CD109: variants seen among roughly 807,000 people sequenced by gnomAD.
CD109 encodes the protein CD109 molecule.
CD109 carries 149 observed loss-of-function variants against 165.8 expected under a neutral mutation model. The observed-to-expected ratio is 0.90, with a 90% CI of 0.79 to 1.03. The LOEUF (loss-of-function observed/expected upper bound fraction) is 1.03. Among genes scored for constraint, CD109 ranks in the 50% least tolerant of loss-of-function variants. The probability of loss-of-function intolerance (pLI) is 0.00; values close to 1 mark genes in which losing one functional copy is unlikely to be tolerated. For missense variants in CD109, 1,712 were observed against 1,677.8 expected, an observed-to-expected ratio of 1.02 and a Z score of -0.36; for synonymous variants, 585 against 592.1, an observed-to-expected ratio of 0.99 and a Z score of 0.18.
intron 2 of CD109, among the ~76,000 whole-genome samples, chr6:73,717,270 G>T (rs550079452): frequency 2.6e-5 from 4 of 151,228 alleles, no homozygotes; most frequent in Non-Finnish European, 5.9e-5. Flanking sequence ...GTCTTTGGTG[G>T]TTCCATAAAA....
intron 6 of CD109, 129 bp from the exon 7 acceptor site, chr6:73,758,815 C>A: frequency 1.5e-6 from 1 of 665,220 alleles, no homozygotes; most frequent in South Asian, 1.7e-5. Flanking sequence ...ATTATTAACT[C>A]CTTCACAACA....
At chr6:73,697,597 A>G in intron 2 of CD109, 25 bp downstream of exon 2, 1 of 1,598,250 alleles carries the variant, frequency 6.3e-7, no homozygotes, top group Non-Finnish European at 8.6e-7. Context: ...ATAAAGTCTT[A>G]CCCTTCTGCA....
chr6:73,699,676 G>A (rs1290327977), intron 2 of CD109, among the ~76,000 whole-genome samples: 3 of 152,154 alleles, frequency 2.0e-5, no homozygotes, highest in African/African-American at 7.2e-5. Flanking sequence ...AAGTACTCAA[G>A]ACTGGGGCGG....
intron 32 of CD109, among the ~76,000 whole-genome samples, chr6:73,822,705 AACTT>A (rs1776141958): frequency 1.3e-5 from 2 of 152,248 alleles, no homozygotes; most frequent in African/African-American, 4.8e-5. Flanking sequence ...TATGGAAAAC[AACTT>A]ACTTATGAGG....
intron 2 of CD109, among the ~76,000 whole-genome samples, chr6:73,721,077 T>C (rs924905016): frequency 3.3e-5 from 5 of 152,258 alleles, no homozygotes; most frequent in African/African-American, 9.6e-5. Flanking sequence ...ACCTGTACTA[T>C]GTATATCTGT....
chr6:73,738,443 C>T (rs1772629066), intron 5 of CD109, among the ~76,000 whole-genome samples: 1 of 152,170 alleles, frequency 6.6e-6, no homozygotes, highest in African/African-American at 2.4e-5. Context: ...CAATGACCAG[C>T]AAGAGCAGTT....
intron 15 of CD109, among the ~76,000 whole-genome samples, chr6:73,773,729 C>T (rs922707988): frequency 4.6e-5 from 7 of 152,068 alleles, no homozygotes; most frequent in African/African-American, 1.2e-4. Context: ...TCATTTTGCT[C>T]GTGTACAGAT....
At chr6:73,733,046 C>T (rs760709077) in intron 4 of CD109, among the ~76,000 whole-genome samples, 16 of 152,184 alleles carry the variant, frequency 1.1e-4, no homozygotes, top group Non-Finnish European at 2.1e-4. Flanking sequence ...TTAGGTCTAG[C>T]TGCCTTCCTC....
chr6:73,737,829 T>C (rs951642265), intron 5 of CD109, among the ~76,000 whole-genome samples: 1 of 152,232 alleles, frequency 6.6e-6, no homozygotes, highest in Non-Finnish European at 1.5e-5. Flanking sequence ...TACTGGAGCA[T>C]GTGGAGAATG....
At chr6:73,725,115 G>A (rs977167101) in intron 3 of CD109, among the ~76,000 whole-genome samples, 30 of 152,162 alleles carry the variant, frequency 2.0e-4, no homozygotes, top group Non-Finnish European at 3.7e-4. Context: ...AAAGGCATAA[G>A]CAGGCAGAAG....
chr6:73,721,323 C>A (rs982816333), intron 2 of CD109, among the ~76,000 whole-genome samples: 2 of 151,860 alleles, frequency 1.3e-5, no homozygotes, highest in African/African-American at 2.4e-5. Context: ...GTATATGAGA[C>A]CATTTATAAG....
chr6:73,738,080 G>C (rs1772615291), intron 5 of CD109, among the ~76,000 whole-genome samples: 1 of 152,118 alleles, frequency 6.6e-6, no homozygotes, highest in South Asian at 2.1e-4. Flanking sequence ...TGAACAATAT[G>C]ATAAAAATTA....
At position 73,771,745 on chromosome 6, in the gene CD109, G is replaced by T. The variant is rs180756408; in HGVS notation, c.1827+164G>T. Among the ~76,000 whole-genome samples, 42 of 152,308 alleles carry T rather than the reference G, an allele frequency of 2.8e-4. 1 individual carries two copies. Among genetic ancestry groups the T allele is most frequent in the Admixed American group, 2.3e-3 (35 of 15,300 alleles). On this transcript the variant is annotated intron_variant, in intron 15 of 32. Transcript: ENST00000287097. ...ATAAAAAGTAATCTGTATCGTAATG[G>T]TTATGTTGGAAAGAAGCTTATGTGG... is the stretch of plus-strand genomic sequence containing the variant.
intron 17 of CD109, among the ~76,000 whole-genome samples, chr6:73,781,813 G>A (rs868082335): frequency 1.2e-4 from 8 of 64,390 alleles, no homozygotes; most frequent in East Asian, 5.0e-4. Flanking sequence ...AGACACACAC[G>A]CAGACACACA....
rs566034767 is a variant in CD109, at chr6:73,752,938, G to T, written c.634-3705G>T. ...GAGAAACTTGTACTTCCTACGAAAA[G>T]ACTGTGTTTTTTTGCTCCATGTTTT... On this transcript the variant is annotated intron_variant, in intron 5 of 32. Transcript: ENST00000287097. 2.0e-5 allele frequency among the ~76,000 whole-genome samples: 3 copies of T among 152,296 alleles called. No individual in the cohort carries two copies. The East Asian group carries it at 5.8e-4, about 29-fold the overall frequency.
chr6:73,715,607 T>C (rs972862152), intron 2 of CD109, among the ~76,000 whole-genome samples: 7 of 151,150 alleles, frequency 4.6e-5, no homozygotes, highest in African/African-American at 1.7e-4. Flanking sequence ...AAACCAACTA[T>C]ACAACTGATT....
In CD109 at chr6:73,766,841, CAA is replaced by C. The variant is rs1773872514; in HGVS notation, c.1416_1417del (p.Asp474Ter). On this transcript the variant is annotated frameshift_variant, in exon 12 of 33. Transcript: ENST00000287097. LOFTEE classifies it high-confidence loss of function. ...AGTAAGACATACATCCAACTAAAAA[CAA>C]GAGATGAAAATATAAAGGTAATGCT... 2.5e-6 allele frequency: 4 copies of C among 1,611,702 alleles called. No homozygotes were observed. Among genetic ancestry groups the C allele is most frequent in the Non-Finnish European group, 2.5e-6 (3 of 1,178,226 alleles).
the CD109 span, among the ~76,000 whole-genome samples, chr6:73,682,425 CTGAT>C: frequency 2.0e-5 from 3 of 152,214 alleles, no homozygotes; most frequent in African/African-American, 7.2e-5. Flanking sequence ...CCAGGTCATG[CTGAT>C]GAAAGAGGTG....
chr6:73,819,486 C>G (rs1776041201), intron 31 of CD109, among the ~76,000 whole-genome samples: 1 of 152,140 alleles, frequency 6.6e-6, no homozygotes, highest in African/African-American at 2.4e-5. Context: ...TCATAGTATT[C>G]TAAGGATTTC....
Sources: allele counts gnomAD v4.1 joint callset (sites outside exome capture counted in the v4.1 genomes callset), GRCh38; gene constraint gnomAD v4.1.1; transcripts MANE v1.5; gene names NCBI Gene and HGNC (gene_info 2026-07-23, HGNC 2026-07-21).